LRRTM4: variants seen among roughly 807,000 people sequenced by gnomAD.
The protein encoded by LRRTM4 is leucine-rich repeat transmembrane neuronal protein 4.
A neutral mutation model predicts 47.6 loss-of-function variants in LRRTM4; 25 were observed. The observed-to-expected ratio is 0.53, with a 90% CI of 0.38 to 0.73. The LOEUF (loss-of-function observed/expected upper bound fraction) is 0.73. LRRTM4 is among the 30% of genes least tolerant of loss of function. LRRTM4 has a pLI of 0.00. For missense variants in LRRTM4, 638 were observed against 713.4 expected (o/e 0.89, Z 1.20); for synonymous variants, 311 against 269.5 (o/e 1.15, Z -1.51).
At chr2:76,930,945 A>G (rs1674749414) in intron 3 of LRRTM4, among the ~76,000 whole-genome samples, 1 of 152,150 alleles carries the variant, frequency 6.6e-6, no homozygotes, top group South Asian at 2.1e-4. Context: ...ATCATCCAAA[A>G]AGAATATTTC....
At chr2:76,922,425 T>A (rs78192797) in intron 3 of LRRTM4, among the ~76,000 whole-genome samples, 10,098 of 152,056 alleles carry the variant, frequency 0.066, 836 homozygotes, top group African/African-American at 0.18. Flanking sequence ...TCAGATCTTA[T>A]GAGAACTCAC....
At chr2:77,213,878 A>G (rs1674364120) in intron 3 of LRRTM4, among the ~76,000 whole-genome samples, 1 of 152,114 alleles carries the variant, frequency 6.6e-6, no homozygotes, top group South Asian at 2.1e-4. Context: ...AGTAGAGCAG[A>G]TAAGGAAGAG....
intron 3 of LRRTM4, chr2:76,987,613 T>C (rs1257053228): frequency 6.6e-6 from 1 of 151,948 alleles, no homozygotes; most frequent in Non-Finnish European, 1.5e-5. Context: ...TGGCTTAATA[T>C]TGTAAAATAT....
chr2:77,114,671 G>A (rs770111495), intron 3 of LRRTM4, among the ~76,000 whole-genome samples: 11 of 152,250 alleles, frequency 7.2e-5, no homozygotes, highest in Admixed American at 1.3e-4. Context: ...GAAATAAAAA[G>A]AAAGAGTACA....
At chr2:76,794,487 TTATTACTGG>T (rs1408398519) in intron 3 of LRRTM4, among the ~76,000 whole-genome samples, 1 of 152,210 alleles carries the variant, frequency 6.6e-6, no homozygotes, top group African/African-American at 2.4e-5. Context: ...AAAATTTCAC[TTATTACTGG>T]TATAGGCAAA....
At chr2:77,205,284 A>G (rs755524865) in intron 3 of LRRTM4, among the ~76,000 whole-genome samples, 1 of 152,220 alleles carries the variant, frequency 6.6e-6, no homozygotes, top group Non-Finnish European at 1.5e-5. Flanking sequence ...AAAACAAATC[A>G]GAAACCAAGA....
intron 3 of LRRTM4, among the ~76,000 whole-genome samples, chr2:77,096,980 A>G (rs915285278): frequency 6.6e-6 from 1 of 151,876 alleles, no homozygotes; most frequent in African/African-American, 2.4e-5. Context: ...TATACATATT[A>G]TTTTATTTAT....
At chr2:77,279,147 T>C (rs1158029171) in intron 3 of LRRTM4, among the ~76,000 whole-genome samples, 1 of 151,974 alleles carries the variant, frequency 6.6e-6, no homozygotes, top group East Asian at 1.9e-4. Flanking sequence ...ACTCATGGGA[T>C]CAACTGACTC....
intron 3 of LRRTM4, among the ~76,000 whole-genome samples, chr2:76,893,213 T>A (rs114570866): frequency 0.02 from 2,989 of 151,764 alleles, 101 homozygotes; most frequent in African/African-American, 0.068. Flanking sequence ...AGGAAAAAGA[T>A]GCTCACACTT....
At chr2:77,223,230 T>C (rs1674696080) in intron 3 of LRRTM4, among the ~76,000 whole-genome samples, 1 of 152,172 alleles carries the variant, frequency 6.6e-6, no homozygotes, top group African/African-American at 2.4e-5. Context: ...GAGTTATCTA[T>C]GACAAACCCA....
At chr2:76,975,215 A>G (rs900029854) in intron 3 of LRRTM4, among the ~76,000 whole-genome samples, 1 of 151,732 alleles carries the variant, frequency 6.6e-6, no homozygotes, top group African/African-American at 2.4e-5. Flanking sequence ...TTTTTTTCTC[A>G]TAGTGGTTTA....
At chr2:76,839,115 A>C (rs1671601302) in intron 3 of LRRTM4, among the ~76,000 whole-genome samples, 1 of 152,122 alleles carries the variant, frequency 6.6e-6, no homozygotes, top group Non-Finnish European at 1.5e-5. Context: ...TATTTACCAC[A>C]ATGTACTGTT....
intron 3 of LRRTM4, among the ~76,000 whole-genome samples, chr2:77,505,356 T>C (rs11885676): frequency 0.26 from 38,728 of 151,318 alleles, 5,393 homozygotes; most frequent in Middle Eastern, 0.32. Context: ...GACTATATGA[T>C]AATTGTGATA....
chr2:77,061,124 A>C (rs1679772328), intron 3 of LRRTM4, among the ~76,000 whole-genome samples: 1 of 151,316 alleles, frequency 6.6e-6, no homozygotes, highest in Admixed American at 6.6e-5. Context: ...TTTTAACCCC[A>C]GTTTCTTTAA....
chr2:76,952,755 G>A (rs1558758957), intron 3 of LRRTM4, among the ~76,000 whole-genome samples: 2 of 151,880 alleles, frequency 1.3e-5, no homozygotes, highest in South Asian at 2.1e-4. Context: ...GTTCACCACC[G>A]TATTATTCAC....
chr2:76,870,284 G>C (rs1672585639), intron 3 of LRRTM4, among the ~76,000 whole-genome samples: 1 of 152,056 alleles, frequency 6.6e-6, no homozygotes, highest in South Asian at 2.1e-4. Flanking sequence ...AGTCTGACAA[G>C]GTCTTTTTGT....
At chr2:76,749,066 G>T in intron 3 of LRRTM4, 150 bp from the exon 4 acceptor site, 1 of 644,906 alleles carries the variant, frequency 1.6e-6, no homozygotes, top group Non-Finnish European at 2.7e-6. Context: ...ACAAAATGAT[G>T]ATTACTATTT....
chr2:77,251,186 TATA>T (rs1675600173), intron 3 of LRRTM4, among the ~76,000 whole-genome samples: 1 of 31,676 alleles, frequency 3.2e-5, no homozygotes, highest in South Asian at 7.2e-4. Context: ...TGTGTATATA[TATA>T]CACACACACA....
At position 76,900,047 on chromosome 2, in the gene LRRTM4, G is replaced by C. The variant is rs541647136; in HGVS notation, c.1552-151131C>G. ...AGTTTGAGACCAGCCTGACCAATATGGTGAAACCCAGTCTCTACTAAAAAT... is the reference window on the plus strand; with the variant it reads ...AGTTTGAGACCAGCCTGACCAATATCGTGAAACCCAGTCTCTACTAAAAAT... On this transcript the variant is annotated intron_variant, in intron 3 of 3. Coordinates refer to ENST00000409884, the MANE Select transcript of LRRTM4 (RefSeq NM_001134745.3). Among the ~76,000 whole-genome samples the C allele has an allele frequency of 1.2e-4, 18 of 152,194 alleles. No individual in the cohort carries two copies. The South Asian group carries it at 3.5e-3, about 30-fold the overall frequency.
Sources: gnomAD v4.1 joint callset for allele counts (sites outside exome capture counted in the v4.1 genomes callset) on GRCh38, gnomAD v4.1.1 for gene constraint, MANE v1.5 for transcripts, NCBI Gene and HGNC (gene_info 2026-07-23, HGNC 2026-07-21) for gene names.